Variants in NOL4L observed in about 807,000 individuals in gnomAD.
NOL4L encodes the protein nucleolar protein 4 like.
A neutral mutation model predicts 64.5 loss-of-function variants in NOL4L; 7 were observed. The ratio of observed to expected loss-of-function variants is 0.11; its 90% confidence interval spans 0.06 to 0.20. The LOEUF is 0.20. Among genes scored for constraint, NOL4L ranks in the 10% least tolerant of loss-of-function variants. The pLI is 1.00. For synonymous variants in NOL4L, 413 were observed against 401.0 expected, an observed-to-expected ratio of 1.03 and a Z score of -0.36; for missense variants, 680 against 967.1, an observed-to-expected ratio of 0.70 and a Z score of 3.94.
intron 4 of NOL4L, among the ~76,000 whole-genome samples, chr20:32,492,223 C>T (rs2016495792): frequency 6.6e-6 from 1 of 152,208 alleles, no homozygotes; most frequent in Non-Finnish European, 1.5e-5. Flanking sequence ...TTGTGGGCCC[C>T]CCATACCATG....
chr20:32,462,337 A>C (rs955456351), intron 5 of NOL4L, among the ~76,000 whole-genome samples: 4 of 152,190 alleles, frequency 2.6e-5, no homozygotes, highest in Non-Finnish European at 5.9e-5. Flanking sequence ...GGCAGAGGCC[A>C]AGGGATGGGA....
chr20:32,568,813 T>C (rs1979591579), intron 1 of NOL4L, among the ~76,000 whole-genome samples: 1 of 152,192 alleles, frequency 6.6e-6, no homozygotes, highest in Non-Finnish European at 1.5e-5. Flanking sequence ...GTCCTGGAAC[T>C]GGAGGAGCCT....
intron 1 of NOL4L, among the ~76,000 whole-genome samples, chr20:32,538,165 C>T (rs2018583911): frequency 6.6e-6 from 1 of 152,188 alleles, no homozygotes. Context: ...CCACCCCTTC[C>T]ATTTCCCAGG....
At chr20:32,476,310 C>T (rs998960608) in intron 4 of NOL4L, among the ~76,000 whole-genome samples, 4 of 151,738 alleles carry the variant, frequency 2.6e-5, no homozygotes, top group Admixed American at 6.6e-5. Flanking sequence ...TGGAGGGAGA[C>T]GAAGGGGAGG....
chr20:32,472,745 C>G lies in NOL4L; in HGVS notation c.841+1856G>C, dbSNP rs550641491. ...CCTGTGCCCTGCCCAGGGTCTCAGC[C>G]AGCCAGCGGGGTGGCCCACAACTCC... On this transcript the variant is annotated intron_variant, in intron 5 of 10. Coordinates refer to ENST00000621426, the MANE Select transcript of NOL4L (RefSeq NM_001256798.2). Among the ~76,000 whole-genome samples the G allele has an allele frequency of 1.1e-4, 17 of 152,038 alleles. 1 individual carries two copies. In the South Asian group the frequency reaches 3.3e-3, roughly 30 times the overall value.
intron 4 of NOL4L, among the ~76,000 whole-genome samples, chr20:32,477,686 C>T (rs911801720): frequency 7.2e-5 from 11 of 152,216 alleles, no homozygotes; most frequent in African/African-American, 2.2e-4. Flanking sequence ...ATATGAAGCC[C>T]AGGATGCAGG....
Position 32,551,955 on chromosome 20 carries a change from A to AT in NOL4L, c.322-24043dup, listed in dbSNP as rs145366194. Among the ~76,000 whole-genome samples, 1,095 of 151,954 alleles carry AT rather than the reference A, an allele frequency of 7.2e-3. 12 individuals carry two copies. Among genetic ancestry groups the AT allele is most frequent in the African/African-American group, 0.026 (1,061 of 41,402 alleles). ...GGGTACACACCACCATGCCCAGCTA[A>AT]TTTTTTAAATGTTTTGTAGAGACAG... On this transcript the variant is annotated intron_variant, in intron 1 of 10. Coordinates refer to ENST00000621426, the MANE Select transcript of NOL4L (RefSeq NM_001256798.2).
At chr20:32,495,682 G>A (rs2016659570) in intron 4 of NOL4L, among the ~76,000 whole-genome samples, 2 of 152,182 alleles carry the variant, frequency 1.3e-5, no homozygotes, top group African/African-American at 4.8e-5. Flanking sequence ...AAGTTAGATG[G>A]CTGGGGCGCA....
chr20:32,486,925 C>T, intron 4 of NOL4L: 1 of 366,250 alleles, frequency 2.7e-6, no homozygotes, highest in East Asian at 7.7e-5. Context: ...CAGTCTTGGA[C>T]TCTACAAAAC....
At chr20:32,465,281 C>T in intron 5 of NOL4L, 1 of 421,112 alleles carries the variant, frequency 2.4e-6, no homozygotes, top group Non-Finnish European at 4.2e-6. Flanking sequence ...GTCACCGACC[C>T]ATCACCCGGG....
At chr20:32,560,626 A>G (rs1416228530) in intron 1 of NOL4L, among the ~76,000 whole-genome samples, 2 of 152,260 alleles carry the variant, frequency 1.3e-5, no homozygotes, top group African/African-American at 4.8e-5. Flanking sequence ...TGAGGTAAGA[A>G]CTGTTATTAT....
At chr20:32,522,520 C>T (rs1328941665) in intron 2 of NOL4L, among the ~76,000 whole-genome samples, 3 of 152,224 alleles carry the variant, frequency 2.0e-5, no homozygotes, top group Non-Finnish European at 2.9e-5. Context: ...ATAAATGTGG[C>T]CACCACTCTA....
chr20:32,572,107 TGTCAGAAG>T (rs1300796314), intron 1 of NOL4L, among the ~76,000 whole-genome samples: 2 of 152,338 alleles, frequency 1.3e-5, no homozygotes, highest in East Asian at 3.9e-4. Context: ...TAAGCCTTGC[TGTCAGAAG>T]GATGGCGATT....
chr20:32,523,237 T>G (rs909956716), intron 2 of NOL4L, among the ~76,000 whole-genome samples: 8 of 151,924 alleles, frequency 5.3e-5, no homozygotes, highest in Non-Finnish European at 1.0e-4. Flanking sequence ...GGCTGACAGG[T>G]GAGAAGTCCT....
rs1210682919 is a variant in NOL4L at position 32,584,621 on chromosome 20, G to A, written c.270C>T (p.Gly90=). Residue 90 remains glycine (G), a synonymous_variant, in exon 1 of 11, where the codon GGC becomes GGT. Transcript: ENST00000621426. ...CCACTTGGCCCATCTTGGGTTCCCG[G>A]CCGCTGCCCAGGCGGAAGCCCTTGG... The part of the protein sequence containing the change: ...VRSKGFRLGS[G]REPKMGQVVY... 12 of 1,536,220 alleles carry A rather than the reference G, an allele frequency of 7.8e-6. No individual in the cohort carries two copies. The Admixed American group carries it at 2.2e-4, about 28-fold the overall frequency.
At chr20:32,481,047 C>T (rs951415466) in intron 4 of NOL4L, among the ~76,000 whole-genome samples, 8 of 152,186 alleles carry the variant, frequency 5.3e-5, no homozygotes, top group African/African-American at 1.9e-4. Context: ...GAGGCATTCT[C>T]GCTCTCTCTC....
intron 2 of NOL4L, among the ~76,000 whole-genome samples, chr20:32,523,267 G>C (rs1313732755): frequency 6.6e-6 from 1 of 152,220 alleles, no homozygotes; most frequent in Non-Finnish European, 1.5e-5. Flanking sequence ...CTGAGGGCCA[G>C]GGAGGGAAGC....
intron 1 of NOL4L, among the ~76,000 whole-genome samples, chr20:32,540,925 A>G (rs1333262100): frequency 6.6e-6 from 1 of 151,696 alleles, no homozygotes; most frequent in African/African-American, 2.4e-5. Flanking sequence ...ACCGAGGCTC[A>G]GAGAAGAGGC....
intron 4 of NOL4L, among the ~76,000 whole-genome samples, chr20:32,476,457 C>A (rs375547965): frequency 5.9e-5 from 9 of 152,334 alleles, no homozygotes; most frequent in African/African-American, 1.7e-4. Context: ...CTTGCATGGG[C>A]CCCTTGCTAC....
Sources: gnomAD v4.1 joint callset for allele counts (sites outside exome capture counted in the v4.1 genomes callset) on GRCh38, gnomAD v4.1.1 for gene constraint, MANE v1.5 for transcripts, NCBI Gene and HGNC (gene_info 2026-07-23, HGNC 2026-07-21) for gene names.